Variants in NUTM1 observed in about 807,000 individuals in gnomAD.
The protein encoded by NUTM1 is NUT family member 1.
NUTM1 carries 39 observed loss-of-function variants against 88.7 expected under a neutral mutation model. The observed-to-expected ratio is 0.44, with a 90% CI of 0.34 to 0.57. NUTM1 has a LOEUF of 0.57. Among genes scored for constraint, NUTM1 ranks in the 20% least tolerant of loss-of-function variants. The probability of loss-of-function intolerance (pLI) is 0.01; values close to 1 mark genes in which losing one functional copy is unlikely to be tolerated. For synonymous variants in NUTM1, 494 were observed against 538.0 expected (o/e 0.92, Z 1.13); for missense variants, 1,350 against 1,414.5 (o/e 0.95, Z 0.73).
Position 34,348,461 on chromosome 15 carries a change from T to C in NUTM1, c.593T>C (p.Val198Ala), listed in dbSNP as rs774746499. 22 of 1,614,086 alleles carry C rather than the reference T, an allele frequency of 1.4e-5. No individual in the cohort carries two copies. The East Asian group carries it at 4.2e-4, about 31-fold the overall frequency. The change falls in exon 3 of 8, where the codon GTC becomes GCC. Residue 198 changes from valine (V) to alanine (A), a missense_variant. Physicochemically the swap from Val to Ala is moderately conservative, Grantham distance 64. This residue lies in a region of NUTM1 where 399 missense variants were observed against 397.9 expected (regional missense o/e 1.00). Coordinates refer to ENST00000537011, the MANE Select transcript of NUTM1 (RefSeq NM_001284292.2). ...PQPPPPVAQL[V>A]PIVPLEKAWP... ...CCTCCACCACCAGTTGCTCAACTGG[T>C]CCCCATTGTGCCCCTGGAAAAAGCT...
In NUTM1 at chr15:34,354,494, G is replaced by A. The variant is rs775619864; in HGVS notation, c.1124G>A (p.Arg375His). ...AASKTRAPRR[R>H]QRKAQRPPAP... ...TCCAAGACACGGGCCCCCCGCCGGCGTCAGCGTAAAGCCCAGAGACCTCCT... is the reference window on the plus strand; with the variant it reads ...TCCAAGACACGGGCCCCCCGCCGGCATCAGCGTAAAGCCCAGAGACCTCCT... The change falls in exon 6 of 8, where the codon CGT becomes CAT. Residue 375 changes from arginine (R) to histidine (H), a missense_variant. Around this residue, in one of 5 missense-constraint regions of NUTM1, gnomAD observed 89 missense variants for 76.0 expected, o/e 1.17. Transcript: ENST00000537011. 2.8e-5 allele frequency: 45 copies of A among 1,614,012 alleles called. No individual in the cohort carries two copies. Among genetic ancestry groups the A allele is most frequent in the East Asian group, 1.8e-4 (8 of 44,894 alleles).
intron 2 of NUTM1, among the ~76,000 whole-genome samples, chr15:34,346,558 C>T (rs1422239003): frequency 2.3e-4 from 1 of 4,336 alleles, no homozygotes; most frequent in Non-Finnish European, 5.3e-4. Flanking sequence ...AAATGCCTTC[C>T]TGAAAACTAG....
chr15:34,352,164 C>T (rs947535297), intron 4 of NUTM1, among the ~76,000 whole-genome samples: 10 of 152,120 alleles, frequency 6.6e-5, no homozygotes, highest in Admixed American at 5.2e-4. Context: ...GAGCGAAACT[C>T]TGTCTCAAAA....
At chr15:34,350,947 A>G in intron 4 of NUTM1, 115 bp downstream of exon 4, 1 of 1,342,510 alleles carries the variant, frequency 7.4e-7, no homozygotes. Flanking sequence ...GATGGGGCGC[A>G]GCGGCTCACG....
At chr15:34,354,774 G>T (rs760267869) in intron 6 of NUTM1, 42 bp downstream of exon 6, 1 of 1,599,862 alleles carries the variant, frequency 6.3e-7, no homozygotes, top group Non-Finnish European at 8.6e-7. Context: ...AGATCCTTGG[G>T]GTGGGTACTC....
At position 34,356,143 on chromosome 15, in the gene NUTM1, C is replaced by G; in HGVS notation, c.2135C>G (p.Ser712Cys). The G allele has an allele frequency of 6.2e-7, 1 of 1,612,616 alleles. No homozygotes were observed. Among genetic ancestry groups the G allele is most frequent in the Non-Finnish European group, 8.5e-7 (1 of 1,178,842 alleles). Reference sequence around the variant, plus strand: ...CCTTTAGCAGTGCCCTGGGAAGGCTCTTCAGGAGCCATGTGGGGAGATGAC... The same window carrying G: ...CCTTTAGCAGTGCCCTGGGAAGGCTGTTCAGGAGCCATGTGGGGAGATGAC... ...KEPLAVPWEG[S>C]SGAMWGDDRG... Residue 712 changes from serine (S) to cysteine (C), a missense_variant, in exon 8 of 8, where the codon TCT becomes TGT. By Grantham distance (112) the Ser-to-Cys change is moderately radical (BLOSUM62 -1). Coordinates refer to ENST00000537011, the MANE Select transcript of NUTM1 (RefSeq NM_001284292.2).
Position 34,348,093 on chromosome 15 carries a change from A to G in NUTM1, c.225A>G (p.Pro75=). ...ACCACCCACCCAGGGAGCCACCTCC[A>G]CAGCCCATCATGCCTTCAGTATTCT... ...PPDHPPREPP[P]QPIMPSVFSP... The change falls in exon 3 of 8, where the codon CCA becomes CCG. Residue 75 remains proline, a synonymous_variant. Transcript: ENST00000537011. The G allele has an allele frequency of 6.2e-7, 1 of 1,614,102 alleles. No individual in the cohort carries two copies. Among genetic ancestry groups the G allele is most frequent in the Non-Finnish European group, 8.5e-7 (1 of 1,180,008 alleles).
Position 34,357,184 on chromosome 15 carries a change from C to T in NUTM1, c.3176C>T (p.Ser1059Leu), listed in dbSNP as rs777794737. The stretch of plus-strand genomic sequence containing the variant: ...CTCTTGGCCTCTAAACTTAGCCTCT[C>T]ACCAAGGGAGCATCCCCTCAGTCCT... Reference protein sequence around the residue: ...AYLLASKLSLSPREHPLSPHH... With the variant: ...AYLLASKLSLLPREHPLSPHH... Residue 1059 changes from serine (S) to leucine (L), a missense_variant, in exon 8 of 8, where the codon TCA becomes TTA. Physicochemically the swap from Ser to Leu is moderately radical, Grantham distance 145. Transcript: ENST00000537011. The T allele has an allele frequency of 6.2e-7, 1 of 1,614,092 alleles. No individual in the cohort carries two copies. The highest frequency in any genetic ancestry group is 1.3e-5 in the African/African-American group (1 of 74,944).
rs1291763089 is a variant in NUTM1 at position 34,348,550 on chromosome 15, C to T, written c.682C>T (p.Leu228=). ...TGTGGCCACTCTATCCAAGCCTTCCCTAGGTGACCGCTCCAAAATTTCCAA... is the reference window on the plus strand; with the variant it reads ...TGTGGCCACTCTATCCAAGCCTTCCTTAGGTGACCGCTCCAAAATTTCCAA... ...GPVATLSKPS[L]GDRSKISKDV... is the part of the protein sequence containing the mutation. The change falls in exon 3 of 8, where the codon CTA becomes TTA. Residue 228 remains leucine, a synonymous_variant. Transcript: ENST00000537011. 6.2e-7 allele frequency: 1 copy of T among 1,613,918 alleles called. No homozygotes were observed. Among genetic ancestry groups the T allele is most frequent in the Non-Finnish European group, 8.5e-7 (1 of 1,180,012 alleles).
chr15:34,348,583 T>C lies in NUTM1; in HGVS notation c.715T>C (p.Tyr239His). The change falls in exon 3 of 8, where the codon TAT (tyrosine) becomes CAT (histidine). Residue 239 changes from tyrosine to histidine, a missense_variant. This residue lies in a region of NUTM1 where 399 missense variants were observed against 397.9 expected (regional missense o/e 1.00). Transcript: ENST00000537011. ...CCGCTCCAAAATTTCCAAGGACGTT[T>C]ATGAGAACTTCCGTCAGTGGCAGCG... ...GDRSKISKDV[Y>H]ENFRQWQRYK... The C allele has an allele frequency of 6.2e-7, 1 of 1,613,368 alleles. No homozygotes were observed.
chr15:34,348,525 T>G lies in NUTM1; in HGVS notation c.657T>G (p.Pro219=), dbSNP rs769799398. ...ATGGGACAACCGGGGAAGGAGGTCC[T>G]GTGGCCACTCTATCCAAGCCTTCCC... is the stretch of plus-strand genomic sequence containing the variant. ...GPHGTTGEGG[P]VATLSKPSLG... Residue 219 remains proline, a synonymous_variant, in exon 3 of 8, where the codon CCT becomes CCG. Transcript: ENST00000537011. The G allele has an allele frequency of 6.2e-7, 1 of 1,614,182 alleles. No homozygotes were observed. Among genetic ancestry groups the G allele is most frequent in the South Asian group, 1.1e-5 (1 of 91,082 alleles).
Position 34,357,107 on chromosome 15 carries a change from A to T in NUTM1, c.3099A>T (p.Lys1033Asn). Reference protein sequence around the residue: ...RSADRAKGKEKKKKEAEEEDE... With the variant: ...RSADRAKGKENKKKEAEEEDE... Reference sequence around the variant, plus strand: ...CAGACAGGGCCAAAGGAAAGGAGAAAAAGAAAAAGGAAGCAGAGGAAGAGG... The same window carrying T: ...CAGACAGGGCCAAAGGAAAGGAGAATAAGAAAAAGGAAGCAGAGGAAGAGG... Residue 1033 changes from lysine (K) to asparagine (N), a missense_variant, in exon 8 of 8, where the codon AAA becomes AAT. This residue lies in a region of NUTM1 where 730 missense variants were observed against 728.8 expected (regional missense o/e 1.00). Coordinates refer to ENST00000537011, the MANE Select transcript of NUTM1 (RefSeq NM_001284292.2). 6.2e-7 allele frequency: 1 copy of T among 1,614,144 alleles called. No individual in the cohort carries two copies.
chr15:34,357,456 A>G lies in NUTM1; in HGVS notation c.3448A>G (p.Thr1150Ala), dbSNP rs141328252. The G allele has an allele frequency of 9.1e-5, 146 of 1,613,186 alleles. 1 individual carries two copies. The Middle Eastern group carries it at 1.2e-3, about 13-fold the overall frequency. The change falls in exon 8 of 8, where the codon ACG (threonine) becomes GCG (alanine). Residue 1150 changes from threonine (T) to alanine (A), a missense_variant. Thr to Ala is a moderately conservative substitution (Grantham distance 58). Transcript: ENST00000537011. ...TAAAAGGCGGTGTGACAGTTTTGTCACGGGCAGAAGGAAGAAACGACGTCG... is the reference window on the plus strand; with the variant it reads ...TAAAAGGCGGTGTGACAGTTTTGTCGCGGGCAGAAGGAAGAAACGACGTCG... Reference protein sequence around the residue: ...PRKRRCDSFVTGRRKKRRRSQ With the variant: ...PRKRRCDSFVAGRRKKRRRSQ
rs1890838015 is a variant in NUTM1, at chr15:34,357,356, C to T, written c.3348C>T (p.Pro1116=). The change falls in exon 8 of 8, where the codon CCC becomes CCT. Residue 1116 remains proline (P), a synonymous_variant. Transcript: ENST00000537011. Reference sequence around the variant, plus strand: ...GTCCAGCCCCTACTGAAAAGACACCCCACTCAGGAGCTCAACTTGGGGTCC... The same window carrying T: ...GTCCAGCCCCTACTGAAAAGACACCTCACTCAGGAGCTCAACTTGGGGTCC... The part of the protein sequence containing the change: ...AGGPAPTEKT[P]HSGAQLGVPR... 1.2e-6 allele frequency: 2 copies of T among 1,614,062 alleles called. No homozygotes were observed. Among genetic ancestry groups the T allele is most frequent in the Admixed American group, 1.7e-5 (1 of 59,998 alleles).
Position 34,355,510 on chromosome 15 carries a change from C to A in NUTM1, c.1502C>A (p.Ala501Asp), listed in dbSNP as rs1890785237. The A allele has an allele frequency of 9.3e-6, 15 of 1,614,012 alleles. No homozygotes were observed. The highest frequency in any genetic ancestry group is 1.3e-5 in the Non-Finnish European group (15 of 1,179,996). The change falls in exon 8 of 8, where the codon GCC (alanine) becomes GAC (aspartate). Residue 501 changes from alanine (A) to aspartate (D), a missense_variant. Physicochemically the swap from Ala to Asp is moderately radical, Grantham distance 126 (BLOSUM62 -2). This residue lies in a region of NUTM1 where 126 missense variants were observed against 189.8 expected (regional missense o/e 0.66). Coordinates refer to ENST00000537011, the MANE Select transcript of NUTM1 (RefSeq NM_001284292.2). The surrounding 1 kb of genome is among the most constrained non-coding windows in gnomAD (Gnocchi z 4.3). ...CAGCTGGTCCAGAAGCGACTCATGG[C>A]CTTGGAAGAGGAGGAAGATGCAGAG... ...LAQLVQKRLM[A>D]LEEEEDAEAP...
Position 34,355,199 on chromosome 15 carries a change from A to T in NUTM1, c.1479+62A>T. ...CTTGCAAGATTTTATCTAACCCTAC[A>T]CTGTCGTGGGTGATATGGCTCTAGA... On this transcript the variant is annotated intron_variant, in intron 7 of 7. Transcript: ENST00000537011. The surrounding 1 kb of genome is among the most constrained non-coding windows in gnomAD (Gnocchi z 4.3). The T allele has an allele frequency of 8.9e-7, 1 of 1,126,644 alleles. No individual in the cohort carries two copies. The highest frequency in any genetic ancestry group is 1.4e-6 in the Non-Finnish European group (1 of 739,618). 69.8% of individuals were successfully genotyped at this position (1,126,644 alleles called of 1,614,324 possible). A position where few individuals can be genotyped will look rare whatever the true frequency, so the allele number is the denominator to read the frequency against.
chr15:34,344,203 G>C (rs1890539949), intron 1 of NUTM1, among the ~76,000 whole-genome samples: 1 of 129,352 alleles, frequency 7.7e-6, no homozygotes, highest in East Asian at 2.4e-4. Flanking sequence ...GCCTGGGTCC[G>C]TCTTAAAGAA....
chr15:34,356,587 C>T lies in NUTM1; in HGVS notation c.2579C>T (p.Pro860Leu), dbSNP rs761467369. 2 of 1,613,876 alleles carry T rather than the reference C, an allele frequency of 1.2e-6. No individual in the cohort carries two copies. The highest frequency in any genetic ancestry group is 2.2e-5 in the East Asian group (1 of 44,868). Reference sequence around the variant, plus strand: ...CAGAGCTGTGAAACCGTAGGGCATCCCAGTGATCTGTGGGCAGAAGGTTGC... The same window carrying T: ...CAGAGCTGTGAAACCGTAGGGCATCTCAGTGATCTGTGGGCAGAAGGTTGC... ...QEQSCETVGH[P>L]SDLWAEGCFP... The change falls in exon 8 of 8, where the codon CCC (proline) becomes CTC (leucine). Residue 860 changes from proline to leucine, a missense_variant. By Grantham distance (98) the Pro-to-Leu change is moderately conservative. Transcript: ENST00000537011.
rs6495663 is a variant in NUTM1, at chr15:34,347,155, C to T, written c.101-814C>T. On this transcript the variant is annotated intron_variant, in intron 2 of 7. Coordinates refer to ENST00000537011, the MANE Select transcript of NUTM1 (RefSeq NM_001284292.2). ...AACTCAGATGGGGTGTGGTGGCTCACACCAGTTATCTCTGCACTTTGGAAG... is the reference window on the plus strand; with the variant it reads ...AACTCAGATGGGGTGTGGTGGCTCATACCAGTTATCTCTGCACTTTGGAAG... 7.2e-3 allele frequency among the ~76,000 whole-genome samples: 1,096 copies of T among 151,846 alleles called. 11 individuals carry two copies. Among genetic ancestry groups the T allele is most frequent in the African/African-American group, 0.025 (1,045 of 41,410 alleles).
Sources: gnomAD v4.1 joint callset for allele counts (sites outside exome capture counted in the v4.1 genomes callset) on GRCh38, gnomAD v4.1.1 for gene constraint, gnomAD v4.1.1 regional missense constraint, Gnocchi (gnomAD v3.1) non-coding constraint, MANE v1.5 for transcripts, NCBI Gene and HGNC (gene_info 2026-07-23, HGNC 2026-07-21) for gene names.